Variants in CMSS1 observed in about 807,000 individuals in gnomAD.
CMSS1 encodes protein CMSS1.
A neutral mutation model predicts 43.5 loss-of-function variants in CMSS1; 33 were observed. The observed-to-expected ratio is 0.76, with a 90% CI of 0.57 to 1.01. The LOEUF is 1.01. CMSS1 is among the 50% of genes least tolerant of loss of function. CMSS1 has a pLI of 0.00. For synonymous variants in CMSS1, 115 were observed against 117.2 expected (o/e 0.98, Z 0.12); for missense variants, 313 against 326.4 (o/e 0.96, Z 0.32).
chr3:100,133,313 A>G (rs1219309337), intron 1 of CMSS1, among the ~76,000 whole-genome samples: 2 of 152,204 alleles, frequency 1.3e-5, no homozygotes, highest in Non-Finnish European at 2.9e-5. Context: ...TATATGATAC[A>G]TAATTCCAGA....
At chr3:99,859,816 C>T (rs1559663428) in intron 1 of CMSS1, among the ~76,000 whole-genome samples, 1 of 152,120 alleles carries the variant, frequency 6.6e-6, no homozygotes, top group African/African-American at 2.4e-5. Context: ...GCTTTCCTCC[C>T]TGCTTTTTCT....
At chr3:100,094,359 A>G (rs539959736) in intron 1 of CMSS1, among the ~76,000 whole-genome samples, 8 of 152,098 alleles carry the variant, frequency 5.3e-5, no homozygotes, top group Non-Finnish European at 7.4e-5. Flanking sequence ...AGTTTGGTAT[A>G]TTTTCTCCCA....
intron 1 of CMSS1, among the ~76,000 whole-genome samples, chr3:100,138,539 G>T (rs932265732): frequency 6.6e-6 from 1 of 152,124 alleles, no homozygotes; most frequent in Admixed American, 6.5e-5. Context: ...GATATGAACA[G>T]ACCCTTCTCA....
In CMSS1 at chr3:100,146,964, A is replaced by G. The variant is rs761301148; in HGVS notation, c.65-9A>G. On this transcript the variant is annotated splice_polypyrimidine_tract_variant and intron_variant, in intron 1 of 9. Transcript: ENST00000421999. ...GACTTTTCTGATTTTCAAACTTTAT[A>G]TTTTCTAGAAGCATCAGATGGTGAA... 44 of 1,612,642 alleles carry G rather than the reference A, an allele frequency of 2.7e-5. No homozygotes were observed. The South Asian group carries it at 4.3e-4, about 16-fold the overall frequency.
At chr3:100,135,483 TGTGTG>T (rs2066745830) in intron 1 of CMSS1, among the ~76,000 whole-genome samples, 1 of 147,070 alleles carries the variant, frequency 6.8e-6, no homozygotes, top group Non-Finnish European at 1.5e-5. Context: ...TGTGTGTGTG[TGTGTG>T]TGTTTAAGAG....
chr3:100,089,970 T>C (rs2066075276), intron 1 of CMSS1, among the ~76,000 whole-genome samples: 1 of 152,120 alleles, frequency 6.6e-6, no homozygotes, highest in Non-Finnish European at 1.5e-5. Context: ...AGGGAGGAAA[T>C]AGTACACTCA....
intron 1 of CMSS1, chr3:100,051,183 C>G (rs1462034684): frequency 2.0e-5 from 3 of 152,090 alleles, no homozygotes; most frequent in African/African-American, 7.2e-5. Flanking sequence ...CACAATTCTT[C>G]TCTGTGAGTC....
intron 1 of CMSS1, among the ~76,000 whole-genome samples, chr3:99,922,676 TAGAG>T (rs1341923365): frequency 1.3e-5 from 2 of 152,346 alleles, no homozygotes; most frequent in South Asian, 2.1e-4. Context: ...TCAGTATCAA[TAGAG>T]AGGGTTAATT....
intron 1 of CMSS1, among the ~76,000 whole-genome samples, chr3:100,104,541 G>T (rs2066362834): frequency 6.6e-6 from 1 of 152,182 alleles, no homozygotes; most frequent in African/African-American, 2.4e-5. Flanking sequence ...ATAGGCCTGT[G>T]TTCCCAAGAC....
chr3:99,850,191 T>C, intron 1 of CMSS1: 1 of 1,612,448 alleles, frequency 6.2e-7, no homozygotes, highest in Non-Finnish European at 8.5e-7. Flanking sequence ...TCACAGTTAA[T>C]GTTTTCAGTT....
chr3:99,851,037 A>G, intron 1 of CMSS1: 1 of 1,597,634 alleles, frequency 6.3e-7, no homozygotes, highest in Non-Finnish European at 8.5e-7. Flanking sequence ...TCTCCTCCTG[A>G]GACTTGATTT....
At chr3:100,102,082 C>T (rs550460781) in intron 1 of CMSS1, among the ~76,000 whole-genome samples, 36 of 152,216 alleles carry the variant, frequency 2.4e-4, no homozygotes, top group East Asian at 9.6e-4. Flanking sequence ...AATAAACATA[C>T]GTGTGCATGT....
chr3:99,818,455 T>C (rs1344703368), intron 1 of CMSS1, among the ~76,000 whole-genome samples: 1 of 152,216 alleles, frequency 6.6e-6, no homozygotes, highest in South Asian at 2.1e-4. Flanking sequence ...TGATACTGTT[T>C]AGCCTCCTTT....
chr3:100,150,487 A>G (rs750790307), intron 2 of CMSS1, among the ~76,000 whole-genome samples: 1 of 152,208 alleles, frequency 6.6e-6, no homozygotes, highest in Non-Finnish European at 1.5e-5. Context: ...TTAGGCTTTA[A>G]TATCACCAGG....
intron 1 of CMSS1, among the ~76,000 whole-genome samples, chr3:100,099,744 C>T (rs2066272765): frequency 6.6e-6 from 1 of 152,102 alleles, no homozygotes; most frequent in African/African-American, 2.4e-5. Context: ...AGATTAAAAC[C>T]TCTCATAAGA....
At chr3:100,177,315 T>G (rs553731893) in intron 9 of CMSS1, among the ~76,000 whole-genome samples, 1 of 152,196 alleles carries the variant, frequency 6.6e-6, no homozygotes, top group Non-Finnish European at 1.5e-5. Flanking sequence ...GTCGTGCATT[T>G]TGTCCCCTGA....
At chr3:99,930,472 C>G (rs933862589) in intron 1 of CMSS1, among the ~76,000 whole-genome samples, 8 of 152,184 alleles carry the variant, frequency 5.3e-5, no homozygotes, top group African/African-American at 1.9e-4. Flanking sequence ...CCGAAGTCAT[C>G]TGGCATTATT....
chr3:100,095,802 A>G (rs147963042), intron 1 of CMSS1, among the ~76,000 whole-genome samples: 3 of 152,302 alleles, frequency 2.0e-5, no homozygotes, highest in East Asian at 3.9e-4. Flanking sequence ...GCTTCTGCCC[A>G]GCAAAGGAAA....
intron 1 of CMSS1, among the ~76,000 whole-genome samples, chr3:99,880,603 A>G (rs1705693180): frequency 1.3e-5 from 2 of 152,176 alleles, no homozygotes; most frequent in South Asian, 4.1e-4. Context: ...GGGAATGGGA[A>G]GTCCTTTGTT....
Sources: allele counts gnomAD v4.1 joint callset (sites outside exome capture counted in the v4.1 genomes callset), GRCh38; gene constraint gnomAD v4.1.1; transcripts MANE v1.5; gene names NCBI Gene and HGNC (gene_info 2026-07-23, HGNC 2026-07-21).